Variants in WWC1 observed in about 807,000 individuals in gnomAD.
WWC1 encodes the protein protein KIBRA.
WWC1 carries 55 observed loss-of-function variants against 138.4 expected under a neutral mutation model. The ratio of observed to expected loss-of-function variants is 0.40; its 90% CI spans 0.32 to 0.50. The LOEUF is 0.50. WWC1 is among the 20% of genes least tolerant of loss of function. WWC1 has a pLI of 0.72. For missense variants in WWC1, 1,226 were observed against 1,420.4 expected, an observed-to-expected ratio of 0.86 and a Z score of 2.20; for synonymous variants, 524 against 564.9, an observed-to-expected ratio of 0.93 and a Z score of 1.03.
rs146453326 is a variant in WWC1, at chr5:168,453,297, A to G, written c.2526-671A>G. ...GATAAACTTCAGAAATGTTATGCAG[A>G]CACAGAGAAGTCAGAGACAAAACAG... On this transcript the variant is annotated intron_variant, in intron 17 of 22. Coordinates refer to ENST00000265293, the MANE Select transcript of WWC1 (RefSeq NM_015238.3). Among the ~76,000 whole-genome samples, 1,349 of 152,344 alleles carry G rather than the reference A, an allele frequency of 8.9e-3. 12 individuals carry two copies. Among genetic ancestry groups the G allele is most frequent in the African/African-American group, 0.031 (1,299 of 41,580 alleles).
At chr5:168,409,743 G>A (rs1201856916) in intron 7 of WWC1, among the ~76,000 whole-genome samples, 179 bp from the exon 8 acceptor site, 2 of 152,222 alleles carry the variant, frequency 1.3e-5, no homozygotes, top group Non-Finnish European at 2.9e-5. Context: ...GTGGCCTGAA[G>A]GGAGGAAAGT....
intron 1 of WWC1, among the ~76,000 whole-genome samples, chr5:168,351,924 C>A (rs1774997218): frequency 6.6e-6 from 1 of 152,164 alleles, no homozygotes; most frequent in Admixed American, 6.5e-5. Context: ...CCACCCAAGA[C>A]ACACTTGTTT....
intron 1 of WWC1, among the ~76,000 whole-genome samples, chr5:168,307,159 A>G (rs1354310192): frequency 6.6e-6 from 1 of 152,244 alleles, no homozygotes; most frequent in Non-Finnish European, 1.5e-5. Flanking sequence ...CCTATGAGGT[A>G]AGAACCATCT....
At chr5:168,408,966 T>G (rs1323357287) in intron 7 of WWC1, among the ~76,000 whole-genome samples, 2 of 150,002 alleles carry the variant, frequency 1.3e-5, no homozygotes, top group Non-Finnish European at 3.0e-5. Flanking sequence ...CTTTCTCTGG[T>G]TTTTTTTTTC....
At chr5:168,456,919 C>A (rs149685225) in intron 19 of WWC1, among the ~76,000 whole-genome samples, 2 of 152,212 alleles carry the variant, frequency 1.3e-5, no homozygotes, top group African/African-American at 4.8e-5. Flanking sequence ...TAGACTCAAG[C>A]CTCACGCATT....
chr5:168,396,611 A>T (rs1461850043), intron 3 of WWC1, among the ~76,000 whole-genome samples: 1 of 152,166 alleles, frequency 6.6e-6, no homozygotes, highest in Non-Finnish European at 1.5e-5. Context: ...GACACCACAA[A>T]TCTTATATCT....
chr5:168,362,875 G>T (rs1053134605), intron 1 of WWC1, among the ~76,000 whole-genome samples: 1 of 152,180 alleles, frequency 6.6e-6, no homozygotes, highest in African/African-American at 2.4e-5. Flanking sequence ...GTTTGTGGGG[G>T]CCTAGTCTGA....
At chr5:168,310,058 G>A (rs1367225073) in intron 1 of WWC1, among the ~76,000 whole-genome samples, 1 of 152,140 alleles carries the variant, frequency 6.6e-6, no homozygotes, top group African/African-American at 2.4e-5. Flanking sequence ...GGGGTGCTGG[G>A]GGACACACTG....
At chr5:168,358,874 A>T (rs1438627504) in intron 1 of WWC1, among the ~76,000 whole-genome samples, 1 of 151,952 alleles carries the variant, frequency 6.6e-6, no homozygotes, top group East Asian at 1.9e-4. Flanking sequence ...CTTATCTCCA[A>T]AACTTTTCTT....
chr5:168,308,827 G>T (rs750219388), intron 1 of WWC1, among the ~76,000 whole-genome samples: 5 of 152,116 alleles, frequency 3.3e-5, no homozygotes, highest in Non-Finnish European at 5.9e-5. Flanking sequence ...CCCACTTCTT[G>T]GTCCTCACAT....
At chr5:168,399,683 C>T in intron 5 of WWC1, 116 bp downstream of exon 5, 1 of 1,009,854 alleles carries the variant, frequency 9.9e-7, no homozygotes, top group Non-Finnish European at 1.5e-6. Context: ...ATGTGGCTCT[C>T]TCATCATTCA....
chr5:168,328,591 A>G (rs2152764513), intron 1 of WWC1, among the ~76,000 whole-genome samples: 1 of 151,932 alleles, frequency 6.6e-6, no homozygotes, highest in East Asian at 1.9e-4. Context: ...CTGTCGTCCC[A>G]ACTGGAGTCC....
intron 1 of WWC1, among the ~76,000 whole-genome samples, chr5:168,346,756 T>C (rs1774510528): frequency 6.6e-6 from 1 of 152,168 alleles, no homozygotes; most frequent in African/African-American, 2.4e-5. Context: ...AAGTTGGTGG[T>C]GGCTTAGAAA....
intron 1 of WWC1, among the ~76,000 whole-genome samples, chr5:168,312,494 G>C (rs1771202202): frequency 6.6e-6 from 1 of 152,252 alleles, no homozygotes; most frequent in South Asian, 2.1e-4. Flanking sequence ...GGGTTGTTGT[G>C]AGAATTAAGC....
At chr5:168,297,497 A>T (rs983468804) in intron 1 of WWC1, among the ~76,000 whole-genome samples, 3 of 152,236 alleles carry the variant, frequency 2.0e-5, no homozygotes, top group Non-Finnish European at 4.4e-5. Flanking sequence ...ATGGCGGTGC[A>T]TGCCTGTAAT....
intron 1 of WWC1, among the ~76,000 whole-genome samples, chr5:168,328,688 A>AAGC (rs1772775034): frequency 6.6e-6 from 1 of 152,004 alleles, no homozygotes; most frequent in Non-Finnish European, 1.5e-5. Context: ...CTGGGACTAC[A>AAGC]AGCATGCCCG....
At chr5:168,400,941 A>G (rs192441009) in intron 5 of WWC1, among the ~76,000 whole-genome samples, 80 of 151,900 alleles carry the variant, frequency 5.3e-4, no homozygotes, top group Non-Finnish European at 3.8e-4. Flanking sequence ...AGAGAAAGAG[A>G]AAAAGCCCTC....
At chr5:168,360,022 G>T (rs915074154) in intron 1 of WWC1, among the ~76,000 whole-genome samples, 17 of 152,278 alleles carry the variant, frequency 1.1e-4, no homozygotes, top group African/African-American at 4.1e-4. Context: ...CAACCATTTG[G>T]TTCCTAGGGG....
intron 1 of WWC1, among the ~76,000 whole-genome samples, chr5:168,297,491 C>T (rs1354740994): frequency 6.6e-6 from 1 of 152,062 alleles, no homozygotes; most frequent in Middle Eastern, 3.4e-3. Context: ...CCAGGCATGG[C>T]GGTGCATGCC....
Sources: allele counts gnomAD v4.1 joint callset (sites outside exome capture counted in the v4.1 genomes callset), GRCh38; gene constraint gnomAD v4.1.1; transcripts MANE v1.5; gene names NCBI Gene and HGNC (gene_info 2026-07-23, HGNC 2026-07-21).